TK2: variants seen among roughly 807,000 people sequenced by gnomAD.
TK2 encodes thymidine kinase 2, mitochondrial.
A neutral mutation model predicts 41.9 loss-of-function variants in TK2; 35 were observed. The observed-to-expected ratio is 0.84, with a 90% CI of 0.64 to 1.11. TK2 has a LOEUF of 1.11. TK2 is among the 50% of genes least tolerant of loss of function. The probability of loss-of-function intolerance (pLI) is 0.00; values close to 1 mark genes in which losing one functional copy is unlikely to be tolerated. For missense variants in TK2, 320 were observed against 351.1 expected (o/e 0.91, Z 0.71); for synonymous variants, 128 against 129.1 (o/e 0.99, Z 0.06).
intron 8 of TK2, among the ~76,000 whole-genome samples, chr16:66,516,361 T>C (rs1215721166): frequency 5.3e-5 from 8 of 152,130 alleles, no homozygotes; most frequent in Non-Finnish European, 1.0e-4. Flanking sequence ...AGCCAGAGCA[T>C]AGAAAGTAGG....
chr16:66,532,992 A>G (rs1389948259), intron 4 of TK2, among the ~76,000 whole-genome samples: 1 of 152,144 alleles, frequency 6.6e-6, no homozygotes, highest in East Asian at 1.9e-4. Context: ...TCTCTATAGT[A>G]GCTGTACTAA....
In TK2 at chr16:66,510,858, C is replaced by A. The variant is rs1196105774; in HGVS notation, c.*1110G>T. On this transcript the variant is annotated 3_prime_UTR_variant, in exon 10 of 10. Transcript: ENST00000544898. ...CCAAGGGGCAGCCTCGCCTTCAATG[C>A]AGTCCAGCTGAGTGAAGCTAAGGTA... The A allele has an allele frequency of 6.6e-6, 1 of 152,162 alleles. No individual in the cohort carries two copies. Among genetic ancestry groups the A allele is most frequent in the East Asian group, 1.9e-4 (1 of 5,190 alleles). 9.4% of individuals were successfully genotyped at this position (152,162 alleles called of 1,614,324 possible). A position where few individuals can be genotyped will look rare whatever the true frequency, so the allele number is the denominator to read the frequency against.
intron 6 of TK2, among the ~76,000 whole-genome samples, chr16:66,520,612 C>A (rs1331856482): frequency 1.3e-5 from 2 of 152,190 alleles, no homozygotes; most frequent in Non-Finnish European, 2.9e-5. Flanking sequence ...CTCCAACCAG[C>A]GAGTGAGAAG....
intron 3 of TK2, among the ~76,000 whole-genome samples, chr16:66,539,102 C>T (rs1210677209): frequency 6.6e-6 from 1 of 152,146 alleles, no homozygotes; most frequent in Non-Finnish European, 1.5e-5. Flanking sequence ...TGTTAACTAT[C>T]GTTGTTAATC....
chr16:66,529,866 CCT>C (rs1407487038), intron 5 of TK2, among the ~76,000 whole-genome samples: 1 of 152,206 alleles, frequency 6.6e-6, no homozygotes, highest in Non-Finnish European at 1.5e-5. Flanking sequence ...ATTCTTCCAT[CCT>C]CTCTTTCCTT....
chr16:66,521,138 A>G (rs1183178933), intron 6 of TK2, among the ~76,000 whole-genome samples: 1 of 152,232 alleles, frequency 6.6e-6, no homozygotes. Flanking sequence ...GTGCCCACAG[A>G]TATGATCATG....
At chr16:66,519,328 G>A (rs765488656) in intron 6 of TK2, among the ~76,000 whole-genome samples, 2 of 152,120 alleles carry the variant, frequency 1.3e-5, no homozygotes, top group East Asian at 1.9e-4. Flanking sequence ...ACAGGTGTGC[G>A]CCACCATGCC....
At chr16:66,522,967 G>T (rs1045267956) in intron 6 of TK2, among the ~76,000 whole-genome samples, 2 of 152,214 alleles carry the variant, frequency 1.3e-5, no homozygotes, top group Non-Finnish European at 2.9e-5. Context: ...TGGCATAACT[G>T]CAGTTACATT....
Position 66,547,889 on chromosome 16 carries a change from C to T in TK2, c.156+1089G>A, listed in dbSNP as rs145022763. On this transcript the variant is annotated intron_variant, in intron 2 of 9. Transcript: ENST00000544898. ...GTGTGTCTGGGGGCACATCAAACCA[C>T]ACCCAAAAAGCACAAAGAACAGGCC... 1.7e-3 allele frequency: 2,166 copies of T among 1,257,112 alleles called. 3 individuals carry two copies. The highest frequency in any genetic ancestry group is 2.1e-3 in the Non-Finnish European group (2,078 of 969,386). 77.9% of individuals were successfully genotyped at this position (1,257,112 alleles called of 1,614,324 possible). A position where few individuals can be genotyped will look rare whatever the true frequency, so the allele number is the denominator to read the frequency against.
chr16:66,540,166 CTTTTTTCT>C (rs1040103330), intron 3 of TK2, among the ~76,000 whole-genome samples: 7 of 143,200 alleles, frequency 4.9e-5, no homozygotes, highest in African/African-American at 1.8e-4. Context: ...TTCTTTCTTT[CTTTTTTCT>C]TTTTTTTTTT....
chr16:66,517,391 C>G lies in TK2; in HGVS notation c.539-176G>C. The G allele has an allele frequency of 1.4e-6, 1 of 705,434 alleles. No homozygotes were observed. The highest frequency in any genetic ancestry group is 1.7e-5 in the African/African-American group (1 of 57,292). 43.7% of individuals were successfully genotyped at this position (705,434 alleles called of 1,614,324 possible). ...GACTTTCATTCTCTTTCAGTGTCAG[C>G]GGCCCCGTGGGGTCGTTTTGAGGCT... On this transcript the variant is annotated intron_variant, in intron 7 of 9. Coordinates refer to ENST00000544898, the MANE Select transcript of TK2 (RefSeq NM_004614.5). The surrounding 1 kb of genome is among the most constrained non-coding windows in gnomAD (Gnocchi z 4.3).
chr16:66,538,364 G>A lies in TK2; in HGVS notation c.232-1347C>T, dbSNP rs551533958. ...TCCAGTTCAAATATGCCCTTCCCCTGCCCCTCTCAAACCCCCTCTCCTTCT... is the reference window on the plus strand; with the variant it reads ...TCCAGTTCAAATATGCCCTTCCCCTACCCCTCTCAAACCCCCTCTCCTTCT... On this transcript the variant is annotated intron_variant, in intron 3 of 9. Transcript: ENST00000544898. Among the ~76,000 whole-genome samples the A allele has an allele frequency of 7.9e-5, 12 of 151,920 alleles. No individual in the cohort carries two copies. In the East Asian group the frequency reaches 2.1e-3, roughly 27 times the overall value.
intron 2 of TK2, among the ~76,000 whole-genome samples, chr16:66,544,634 G>C (rs1261450487): frequency 6.6e-6 from 1 of 152,162 alleles, no homozygotes; most frequent in Admixed American, 6.5e-5. Context: ...AACACTCTGT[G>C]ATTACGCTAC....
At chr16:66,536,703 G>C (rs1156239777) in intron 4 of TK2, among the ~76,000 whole-genome samples, 1 of 152,150 alleles carries the variant, frequency 6.6e-6, no homozygotes, top group Admixed American at 6.5e-5. Context: ...GACACCCCTA[G>C]TGGCTAAGGT....
chr16:66,540,346 T>C (rs886519084), intron 3 of TK2, among the ~76,000 whole-genome samples: 3 of 151,992 alleles, frequency 2.0e-5, no homozygotes, highest in Admixed American at 1.3e-4. Flanking sequence ...CTAAGTTTTG[T>C]ATTTTTTGTA....
chr16:66,544,862 G>C (rs1288574295), intron 2 of TK2, among the ~76,000 whole-genome samples: 1 of 152,006 alleles, frequency 6.6e-6, no homozygotes, highest in East Asian at 1.9e-4. Context: ...CCGAGGCAGG[G>C]GATCATTTGA....
At chr16:66,532,333 G>A (rs373752958) in intron 4 of TK2, among the ~76,000 whole-genome samples, 8 of 152,198 alleles carry the variant, frequency 5.3e-5, no homozygotes, top group African/African-American at 1.4e-4. Flanking sequence ...GCCAGGCACA[G>A]TGGCTCATGC....
chr16:66,528,134 G>C (rs186774237), intron 6 of TK2, among the ~76,000 whole-genome samples: 217 of 152,252 alleles, frequency 1.4e-3, no homozygotes, highest in African/African-American at 5.0e-3. Flanking sequence ...GTGGCATTTA[G>C]GAAGACAGCT....
At chr16:66,538,056 G>A (rs1161450893) in intron 3 of TK2, among the ~76,000 whole-genome samples, 11 of 152,026 alleles carry the variant, frequency 7.2e-5, no homozygotes, top group Admixed American at 3.3e-4. Flanking sequence ...CCAGATACTC[G>A]GGAGGCTGAG....
Sources: gnomAD v4.1 joint callset for allele counts (sites outside exome capture counted in the v4.1 genomes callset) on GRCh38, gnomAD v4.1.1 for gene constraint, Gnocchi (gnomAD v3.1) non-coding constraint, MANE v1.5 for transcripts, NCBI Gene and HGNC (gene_info 2026-07-23, HGNC 2026-07-21) for gene names.